The following TJP1 variants were observed in gnomAD, a reference collection of about 807,000 sequenced individuals.
TJP1 encodes tight junction protein ZO-1.
A neutral mutation model predicts 194.2 loss-of-function variants in TJP1; 43 were observed. That is an observed-to-expected ratio of 0.22 (90% CI 0.17 to 0.29). The LOEUF is 0.29. Ranked by LOEUF, TJP1 falls within the 10% of genes least tolerant of loss-of-function variation. The pLI, the probability that TJP1 is intolerant of heterozygous loss-of-function variation, is 1.00. For missense variants in TJP1, 1,971 were observed against 2,185.7 expected, an observed-to-expected ratio of 0.90 and a Z score of 1.96; for synonymous variants, 801 against 779.0, an observed-to-expected ratio of 1.03 and a Z score of -0.47.
At chr15:29,956,361 T>C in exon 2 of TJP1, 2 of 1,287,374 alleles carry the variant, frequency 1.6e-6, no homozygotes, top group Non-Finnish European at 2.0e-6. Flanking sequence ...AGGATGGCGT[T>C]ACCCTGCAAG....
chr15:29,882,168 G>A (rs115190475), intron 2 of TJP1, among the ~76,000 whole-genome samples: 2,013 of 152,102 alleles, frequency 0.013, 28 homozygotes, highest in African/African-American at 0.033. Flanking sequence ...TTCCCCAAGT[G>A]CACCAACTAA....
At chr15:29,949,853 TCCACAACCA>T (rs1596312599) in intron 2 of TJP1, among the ~76,000 whole-genome samples, 15 of 48,854 alleles carry the variant, frequency 3.1e-4, no homozygotes, top group Admixed American at 4.6e-4. Flanking sequence ...AACCACCACC[TCCACAACCA>T]CCACCTCCAC....
At position 29,938,719 on chromosome 15, in the gene TJP1, A is replaced by G. The variant is rs936315486; in HGVS notation, c.306+17513T>C. 3.3e-5 allele frequency among the ~76,000 whole-genome samples: 5 copies of G among 152,388 alleles called. No homozygotes were observed. In the East Asian group the frequency reaches 7.7e-4, roughly 24 times the overall value. On this transcript the variant is annotated intron_variant, in intron 2 of 28. Transcript: ENST00000356107. ...TTCCAGCAATTCGAACAATGAAAAT[A>G]ACTTTAAATTGGAAAGATTATCCCA...
chr15:29,906,778 C>T (rs977643696), intron 2 of TJP1, among the ~76,000 whole-genome samples: 1 of 151,652 alleles, frequency 6.6e-6, no homozygotes, highest in Non-Finnish European at 1.5e-5. Context: ...TGGGGTTTCA[C>T]CATGTTAGCC....
chr15:29,789,268 T>G (rs2047918218), intron 2 of TJP1, among the ~76,000 whole-genome samples: 1 of 152,146 alleles, frequency 6.6e-6, no homozygotes, highest in Non-Finnish European at 1.5e-5. Flanking sequence ...TTAAGTTTTT[T>G]GGGGCAGAAC....
At chr15:29,907,807 C>A (rs1355053365) in intron 2 of TJP1, among the ~76,000 whole-genome samples, 2 of 151,930 alleles carry the variant, frequency 1.3e-5, no homozygotes, top group African/African-American at 4.8e-5. Context: ...ACCTCTTTTT[C>A]TTTTGCCTGG....
In TJP1 at chr15:29,730,892, T is replaced by C. The variant is rs148898633; in HGVS notation, c.2017+1541A>G. 8,654 of 1,247,662 alleles carry C rather than the reference T, an allele frequency of 6.9e-3. 318 individuals are homozygous for C. In the East Asian group the frequency reaches 0.1, roughly 15 times the overall value. The allele number at this position is 1,247,662 out of a possible 1,614,324, so 77.3% of individuals were successfully genotyped here. A position where few individuals can be genotyped will look rare whatever the true frequency, so the allele number is the denominator to read the frequency against. On this transcript the variant is annotated intron_variant, in intron 15 of 27. Transcript: ENST00000614355. ...TACCCAAAGGGAAAAAGGGAAAAGC[T>C]GATGCTGGCAAGGAGGGGAATAACC... is the stretch of plus-strand genomic sequence containing the variant.
intron 2 of TJP1, among the ~76,000 whole-genome samples, chr15:29,859,163 G>C (rs922358822): frequency 6.6e-6 from 1 of 152,138 alleles, no homozygotes; most frequent in Non-Finnish European, 1.5e-5. Flanking sequence ...TGAAAGAAAC[G>C]ATTAACTTAT....
intron 2 of TJP1, among the ~76,000 whole-genome samples, chr15:29,774,452 A>G (rs1185971686): frequency 2.4e-4 from 36 of 152,238 alleles, no homozygotes; most frequent in Admixed American, 2.3e-3. Context: ...CATACATAGT[A>G]TAACATGAAT....
At chr15:29,926,323 G>A (rs897052604) in intron 2 of TJP1, among the ~76,000 whole-genome samples, 3 of 152,094 alleles carry the variant, frequency 2.0e-5, no homozygotes, top group Non-Finnish European at 4.4e-5. Flanking sequence ...AAGCATTTGG[G>A]AACAAGAGCT....
At position 29,705,520 on chromosome 15, in the gene TJP1, A is replaced by G. The variant is rs374349160; in HGVS notation, c.5068+8T>C. The G allele has an allele frequency of 6.2e-7, 1 of 1,613,476 alleles. No individual in the cohort carries two copies. The highest frequency in any genetic ancestry group is 1.3e-5 in the African/African-American group (1 of 74,902). On this transcript the variant is annotated splice_region_variant and intron_variant, in intron 26 of 27. Transcript: ENST00000614355. ...ATCAAAACTAAGGAGAAAAATAAAC[A>G]CATTTACCTTTCTCTTTATCTAAAG...
intron 1 of TJP1, among the ~76,000 whole-genome samples, chr15:29,965,179 A>T (rs2056289125): frequency 7.0e-6 from 1 of 142,054 alleles, no homozygotes; most frequent in South Asian, 2.3e-4. Flanking sequence ...TTCATAATAC[A>T]TCCTCACATT....
chr15:29,762,487 A>G (rs1183710427), intron 5 of TJP1, 49 bp from the exon 6 acceptor site: 4 of 1,401,058 alleles, frequency 2.9e-6, no homozygotes, highest in Non-Finnish European at 4.0e-6. Context: ...TAAGACACCT[A>G]AATAGATTTT....
intron 8 of TJP1, among the ~76,000 whole-genome samples, chr15:29,750,696 C>T (rs182723709): frequency 6.8e-4 from 103 of 152,214 alleles, no homozygotes; most frequent in African/African-American, 2.3e-3. Context: ...ATAAATGAAG[C>T]GCTGAACATT....
chr15:29,860,182 T>C (rs376631092), intron 2 of TJP1, among the ~76,000 whole-genome samples: 1 of 152,220 alleles, frequency 6.6e-6, no homozygotes, highest in African/African-American at 2.4e-5. Flanking sequence ...CTGCCAGACC[T>C]GACCACATCC....
At chr15:29,949,495 CTCCACA>C (rs2055490529) in intron 2 of TJP1, among the ~76,000 whole-genome samples, 8 of 141,782 alleles carry the variant, frequency 5.6e-5, no homozygotes, top group East Asian at 2.2e-4. Context: ...CCACCTCCAC[CTCCACA>C]ACCACCACCT....
rs10680239 is a variant in TJP1 at position 29,763,767 on chromosome 15, CA to C, written c.590-1330del. 1.8e-3 allele frequency among the ~76,000 whole-genome samples: 224 copies of C among 122,148 alleles called. 1 individual carries two copies. Among genetic ancestry groups the C allele is most frequent in the African/African-American group, 6.2e-3 (193 of 31,128 alleles). The allele number at this position is 122,148 out of a possible 152,430, so 80.1% of individuals were successfully genotyped here. A position where few individuals can be genotyped will look rare whatever the true frequency, so the allele number is the denominator to read the frequency against. On this transcript the variant is annotated intron_variant, in intron 5 of 27. Transcript: ENST00000614355. ...TGAGAGAGAGAGTGAGACTCCGTCT[CA>C]AAAAAAAAAAAAAAAATTACATCAG...
intron 8 of TJP1, chr15:29,760,409 T>G (rs899355751): frequency 1.6e-6 from 1 of 606,490 alleles, no homozygotes; most frequent in African/African-American, 1.9e-5. Flanking sequence ...AGAGTTCCGC[T>G]CTGTCACCAA....
intron 8 of TJP1, among the ~76,000 whole-genome samples, chr15:29,750,200 G>T (rs1414259915): frequency 6.6e-6 from 1 of 152,050 alleles, no homozygotes; most frequent in Non-Finnish European, 1.5e-5. Flanking sequence ...TAGAGACAGG[G>T]TTTCACCGTG....
Sources: gnomAD v4.1 joint callset for allele counts (sites outside exome capture counted in the v4.1 genomes callset) on GRCh38, gnomAD v4.1.1 for gene constraint, MANE v1.5 for transcripts, NCBI Gene and HGNC (gene_info 2026-07-23, HGNC 2026-07-21) for gene names.